The following EXTL3 variants were observed in gnomAD, a reference collection of about 807,000 sequenced individuals.
EXTL3 encodes exostosin like glycosyltransferase 3.
EXTL3 carries 27 observed loss-of-function variants against 69.3 expected under a neutral mutation model. That is an observed-to-expected ratio of 0.39 (90% CI 0.29 to 0.54). EXTL3 has a LOEUF of 0.54. Among genes scored for constraint, EXTL3 ranks in the 20% least tolerant of loss-of-function variants. The pLI is 0.69. For missense variants in EXTL3, 1,003 were observed against 1,231.8 expected (o/e 0.81, Z 2.78); for synonymous variants, 511 against 499.4 (o/e 1.02, Z -0.31).
In EXTL3 at chr8:28,643,103, G is replaced by A. The variant is rs548900346; in HGVS notation, c.-53+20293G>A. ...TACTAAAAAGACAAAAATTAGCCAGGTGTGGTGGTGGGTGCCTGTAATTCC... is the reference window on the plus strand; with the variant it reads ...TACTAAAAAGACAAAAATTAGCCAGATGTGGTGGTGGGTGCCTGTAATTCC... On this transcript the variant is annotated intron_variant, in intron 1 of 6. Coordinates refer to the EXTL3 transcript ENST00000523149. 6.6e-5 allele frequency among the ~76,000 whole-genome samples: 10 copies of A among 152,234 alleles called. No homozygotes were observed. The South Asian group carries it at 1.9e-3, about 28-fold the overall frequency.
intron 5 of EXTL3, chr8:28,741,551 A>G (rs755537967): frequency 7.2e-5 from 11 of 152,144 alleles, no homozygotes; most frequent in Non-Finnish European, 1.2e-4. Context: ...CCCAGGCTCA[A>G]GTGATCTTCT....
chr8:28,733,336 GT>G (rs1382800824), intron 4 of EXTL3, among the ~76,000 whole-genome samples: 2 of 151,814 alleles, frequency 1.3e-5, no homozygotes, highest in Non-Finnish European at 2.9e-5. Context: ...ATTTATAGCC[GT>G]CCTAGTCATT....
intron 2 of EXTL3, among the ~76,000 whole-genome samples, chr8:28,614,954 G>A (rs1015063024): frequency 2.6e-5 from 4 of 151,610 alleles, no homozygotes; most frequent in South Asian, 4.2e-4. Context: ...CCTCCCACCA[G>A]GTATAAAGCC....
At chr8:28,701,072 C>CG (rs1365801472), upstream of EXTL3, 8 of 152,290 alleles carry the variant, frequency 5.3e-5, no homozygotes. Flanking sequence ...AGGCAGTTGC[C>CG]GCGCACGGCG....
At chr8:28,693,080 G>C (rs536341975) in intron 1 of EXTL3, among the ~76,000 whole-genome samples, 13 of 152,074 alleles carry the variant, frequency 8.5e-5, no homozygotes, top group African/African-American at 2.9e-4. Context: ...TTTGATACCC[G>C]CTGTTGGCGC....
intron 1 of EXTL3, among the ~76,000 whole-genome samples, chr8:28,674,474 T>C (rs892800054): frequency 6.6e-6 from 1 of 152,216 alleles, no homozygotes; most frequent in African/African-American, 2.4e-5. Flanking sequence ...AGGTCAGGGA[T>C]TCACATTCCT....
upstream of EXTL3, among the ~76,000 whole-genome samples, chr8:28,619,266 TAAA>T (rs755355444): frequency 1.4e-4 from 9 of 64,646 alleles, no homozygotes; most frequent in South Asian, 5.9e-4. Flanking sequence ...AGCTTAGTGA[TAAA>T]AAAAAAAAAA....
intron 1 of EXTL3, chr8:28,696,232 G>A (rs1233482190): frequency 2.0e-5 from 3 of 152,150 alleles, no homozygotes; most frequent in African/African-American, 7.2e-5. Flanking sequence ...ATTGAAGGAT[G>A]ACATACATAT....
At chr8:28,656,897 C>CTT (rs1388751410) in intron 1 of EXTL3, among the ~76,000 whole-genome samples, 1 of 151,792 alleles carries the variant, frequency 6.6e-6, no homozygotes, top group Non-Finnish European at 1.5e-5. Flanking sequence ...TTCTTTCTTT[C>CTT]TTTCTTTCTT....
At chr8:28,709,520 G>C (rs141544728) in intron 1 of EXTL3, among the ~76,000 whole-genome samples, 1 of 152,014 alleles carries the variant, frequency 6.6e-6, no homozygotes, top group African/African-American at 2.4e-5. Flanking sequence ...CTGTCTCTCC[G>C]GGTGAGTGTT....
intron 1 of EXTL3, among the ~76,000 whole-genome samples, 187 bp downstream of exon 1, chr8:28,701,846 C>T (rs1475387481): frequency 6.6e-6 from 1 of 152,092 alleles, no homozygotes; most frequent in African/African-American, 2.4e-5. Context: ...GTAGGCCTGC[C>T]CGGTGGCTCG....
intron 3 of EXTL3, among the ~76,000 whole-genome samples, chr8:28,729,143 A>C (rs1341421651): frequency 6.6e-6 from 1 of 151,776 alleles, no homozygotes; most frequent in African/African-American, 2.4e-5. Flanking sequence ...AAAGATAAAA[A>C]AATTAGCTGG....
At position 28,717,696 on chromosome 8, in the gene EXTL3, G is replaced by T. The variant is rs143705855; in HGVS notation, c.1637G>T (p.Arg546Leu). 1 of 1,614,210 alleles carries T rather than the reference G, an allele frequency of 6.2e-7. No homozygotes were observed. Residue 546 changes from arginine to leucine, a missense_variant, in exon 3 of 7, where the codon CGG becomes CTG. Arg to Leu is a moderately radical substitution (Grantham distance 102). Coordinates refer to ENST00000220562, the MANE Select transcript of EXTL3 (RefSeq NM_001440.4). This position sits in a 1 kb window ranked among gnomAD's most constrained non-coding sequence, Gnocchi z 8.3. ...TRIQIPAAPI[R>L]EEAAAEIPHR... ...ATCCAGATCCCAGCCGCTCCCATCC[G>T]GGAAGAGGCGGCAGCTGAGATCCCC...
At chr8:28,636,190 G>C (rs1182910042) in intron 1 of EXTL3, among the ~76,000 whole-genome samples, 2 of 151,936 alleles carry the variant, frequency 1.3e-5, no homozygotes, top group African/African-American at 4.8e-5. Context: ...AAATTAGCTG[G>C]GTGTGGTGGT....
intron 6 of EXTL3, among the ~76,000 whole-genome samples, chr8:28,746,082 T>G (rs1442499282): frequency 2.6e-5 from 4 of 152,226 alleles, no homozygotes; most frequent in Admixed American, 6.5e-5. Context: ...TGGTATCAGG[T>G]ATATGTACTA....
intron 1 of EXTL3, among the ~76,000 whole-genome samples, chr8:28,648,644 G>A (rs770070412): frequency 6.7e-6 from 1 of 148,392 alleles, no homozygotes; most frequent in Non-Finnish European, 1.5e-5. Context: ...CTCCCTTCCA[G>A]AGGCCACTAC....
At chr8:28,645,962 C>T (rs757684263) in intron 1 of EXTL3, among the ~76,000 whole-genome samples, 3 of 151,950 alleles carry the variant, frequency 2.0e-5, no homozygotes, top group Admixed American at 6.6e-5. Flanking sequence ...TCTCAGGCTC[C>T]GGAGATCCTC....
intron 1 of EXTL3, among the ~76,000 whole-genome samples, chr8:28,641,486 AT>A (rs910208413): frequency 2.6e-5 from 4 of 151,838 alleles, no homozygotes; most frequent in African/African-American, 9.7e-5. Context: ...TATTTAATTT[AT>A]TTTTTTTTAA....
intron 1 of EXTL3, among the ~76,000 whole-genome samples, chr8:28,688,023 A>G (rs1232503562): frequency 6.6e-6 from 1 of 151,056 alleles, no homozygotes; most frequent in African/African-American, 2.4e-5. Flanking sequence ...CCAGCCCCCC[A>G]GGGATTAAAG....
Sources: gnomAD v4.1 joint callset for allele counts (sites outside exome capture counted in the v4.1 genomes callset) on GRCh38, gnomAD v4.1.1 for gene constraint, Gnocchi (gnomAD v3.1) non-coding constraint, MANE v1.5 for transcripts, NCBI Gene and HGNC (gene_info 2026-07-23, HGNC 2026-07-21) for gene names.